TMEM201: variants seen among roughly 807,000 people sequenced by gnomAD.
TMEM201 encodes RP13-15M17.2.
TMEM201 carries 26 observed loss-of-function variants against 63.4 expected under a neutral mutation model. The observed-to-expected ratio is 0.41, with a 90% CI of 0.30 to 0.57. TMEM201 has a LOEUF of 0.57. TMEM201 is among the 20% of genes least tolerant of loss of function. The pLI, the probability that TMEM201 is intolerant of heterozygous loss-of-function variation, is 0.29. For synonymous variants in TMEM201, 417 were observed against 421.6 expected (o/e 0.99, Z 0.14); for missense variants, 794 against 917.7 (o/e 0.87, Z 1.74).
intron 10 of TMEM201, 130 bp from the exon 11 acceptor site, chr1:9,612,856 T>C: frequency 1.3e-6 from 1 of 744,080 alleles, no homozygotes; most frequent in Non-Finnish European, 2.2e-6. Flanking sequence ...GGGGTGAGCC[T>C]CACCAGTCTC....
In TMEM201 at chr1:9,610,573, C is replaced by T. The variant is rs551362526; in HGVS notation, c.1533C>T (p.Ala511=). 13 of 1,550,072 alleles carry T rather than the reference C, an allele frequency of 8.4e-6. No homozygotes were observed. The highest frequency in any genetic ancestry group is 4.9e-5 in the East Asian group (2 of 40,904). Residue 511 remains alanine, a synonymous_variant, in exon 9 of 11, where the codon GCC becomes GCT. Coordinates refer to ENST00000340381, the MANE Select transcript of TMEM201 (RefSeq NM_001130924.3). The surrounding 1 kb of genome is among the most constrained non-coding windows in gnomAD (Gnocchi z 4.9). Reference sequence around the variant, plus strand: ...TCCCTTCCCCAGCGCCTTCCGTGGCCGGCTCGGTGGCCTCCAGCTCCGGCT... The same window carrying T: ...TCCCTTCCCCAGCGCCTTCCGTGGCTGGCTCGGTGGCCTCCAGCTCCGGCT... ...SPLPSPAPSV[A]GSVASSSGSL... is the part of the protein sequence containing the mutation.
chr1:9,589,035 C>T lies in TMEM201; in HGVS notation c.105C>T (p.Ile35=). 1 of 1,132,154 alleles carries T rather than the reference C, an allele frequency of 8.8e-7. No homozygotes were observed. The highest frequency in any genetic ancestry group is 1.7e-5 in the African/African-American group (1 of 59,096). The allele number at this position is 1,132,154 out of a possible 1,614,324, so 70.1% of individuals were successfully genotyped here. The part of the protein sequence containing the change: ...CAAAGVLLYR[I]ARRMKPTHTM... ...CGGCCGGCGTGTTGCTCTACCGGAT[C>T]GCGCGGAGGTGAGTGCATGGTTCGG... is the stretch of plus-strand genomic sequence containing the variant. The change falls in exon 1 of 11, where the codon ATC becomes ATT. Residue 35 remains isoleucine, a synonymous_variant. Transcript: ENST00000340381.
chr1:9,601,716 G>A (rs1412735701), intron 5 of TMEM201, among the ~76,000 whole-genome samples: 4 of 152,192 alleles, frequency 2.6e-5, no homozygotes, highest in African/African-American at 9.7e-5. Context: ...GTCAAATCAG[G>A]ATGACGATAA....
intron 1 of TMEM201, among the ~76,000 whole-genome samples, chr1:9,592,059 G>A (rs1643931177): frequency 6.6e-6 from 1 of 152,258 alleles, no homozygotes; most frequent in Non-Finnish European, 1.5e-5. Context: ...AGCGACCCTA[G>A]AATGGTGGAT....
chr1:9,611,960 G>A, intron 10 of TMEM201, 70 bp downstream of exon 10: 3 of 1,450,716 alleles, frequency 2.1e-6, no homozygotes, highest in South Asian at 2.9e-5. Flanking sequence ...CCCCAGGGGG[G>A]TCCAGAGCAC....
chr1:9,590,065 CAGAGG>C (rs2100437649), intron 1 of TMEM201, among the ~76,000 whole-genome samples: 1 of 152,310 alleles, frequency 6.6e-6, no homozygotes, highest in South Asian at 2.1e-4. Flanking sequence ...GGTTGAGTCA[CAGAGG>C]CTTCCCAGAG....
At chr1:9,602,380 C>A in intron 6 of TMEM201, 108 bp downstream of exon 6, 1 of 1,496,578 alleles carries the variant, frequency 6.7e-7, no homozygotes. Flanking sequence ...TTCACCTGCT[C>A]ACGCCCTCCC....
At position 9,605,432 on chromosome 1, in the gene TMEM201, G is replaced by T. The variant is rs1434100957; in HGVS notation, c.1161-2125G>T. On this transcript the variant is annotated intron_variant, in intron 6 of 10. Transcript: ENST00000340381. This position sits in a 1 kb window ranked among gnomAD's most constrained non-coding sequence, Gnocchi z 5.7. ...GTCTCTTAGTCCCTCTCTGAGACGTGGTTTGAGGGCACAGGGCAGTCGGGG... is the reference window on the plus strand; with the variant it reads ...GTCTCTTAGTCCCTCTCTGAGACGTTGTTTGAGGGCACAGGGCAGTCGGGG... 6.6e-6 allele frequency among the ~76,000 whole-genome samples: 1 copy of T among 152,132 alleles called. No individual in the cohort carries two copies. Among genetic ancestry groups the T allele is most frequent in the Non-Finnish European group, 1.5e-5 (1 of 68,038 alleles).
chr1:9,592,722 G>C (rs80259580), intron 1 of TMEM201, among the ~76,000 whole-genome samples: 5,330 of 120,440 alleles, frequency 0.044, 304 homozygotes, highest in African/African-American at 0.13. Context: ...TGTTGGGCTT[G>C]TGGACGGGGC....
Position 9,604,580 on chromosome 1 carries a change from G to A in TMEM201, c.1160+2308G>A, listed in dbSNP as rs1331527627. Reference sequence around the variant, plus strand: ...CGCGGGGGACTTGGGATGGCCATCAGACCTTCTAGGGTCTGGCTGGGGTCA... The same window carrying A: ...CGCGGGGGACTTGGGATGGCCATCAAACCTTCTAGGGTCTGGCTGGGGTCA... On this transcript the variant is annotated intron_variant, in intron 6 of 10. Coordinates refer to ENST00000340381, the MANE Select transcript of TMEM201 (RefSeq NM_001130924.3). This position sits in a 1 kb window ranked among gnomAD's most constrained non-coding sequence, Gnocchi z 4.1. The A allele has an allele frequency of 1.0e-6, 1 of 985,354 alleles. No homozygotes were observed. Among genetic ancestry groups the A allele is most frequent in the African/African-American group, 1.7e-5 (1 of 57,232 alleles). 61.0% of individuals were successfully genotyped at this position (985,354 alleles called of 1,614,324 possible). A position where few individuals can be genotyped will look rare whatever the true frequency, so the allele number is the denominator to read the frequency against.
chr1:9,589,089 A>C, intron 1 of TMEM201, 46 bp downstream of exon 1: 1 of 856,938 alleles, frequency 1.2e-6, no homozygotes, highest in Non-Finnish European at 1.4e-6. Context: ...GCCGCCCGCC[A>C]GGCCCGCCCC....
chr1:9,613,088 C>T lies in TMEM201; in HGVS notation c.*5C>T. ...CTGTACCAGAGCCTGCGCTGACCCA[C>T]CGTTGGAGCCCCTCGGAGGGGAGCA... On this transcript the variant is annotated 3_prime_UTR_variant, in exon 11 of 11. Coordinates refer to ENST00000340381, the MANE Select transcript of TMEM201 (RefSeq NM_001130924.3). 2 of 1,550,320 alleles carry T rather than the reference C, an allele frequency of 1.3e-6. No individual in the cohort carries two copies. The highest frequency in any genetic ancestry group is 8.7e-7 in the Non-Finnish European group (1 of 1,146,950).
chr1:9,612,859 C>T (rs1266709093), intron 10 of TMEM201, 127 bp from the exon 11 acceptor site: 2 of 757,944 alleles, frequency 2.6e-6, no homozygotes, highest in Non-Finnish European at 4.4e-6. Context: ...GTGAGCCTCA[C>T]CAGTCTCAGA....
chr1:9,598,706 A>C, intron 4 of TMEM201, 81 bp downstream of exon 4: 3 of 1,376,132 alleles, frequency 2.2e-6, no homozygotes, highest in Non-Finnish European at 2.0e-6. Flanking sequence ...GGCACTAGTG[A>C]CCAGAGGGTA....
intron 4 of TMEM201, 45 bp from the exon 5 acceptor site, chr1:9,601,060 G>A (rs765032444): frequency 1.3e-6 from 2 of 1,515,488 alleles, no homozygotes; most frequent in Admixed American, 1.8e-5. Context: ...GCTGGGGGTG[G>A]CTCTGTGGCC....
chr1:9,596,730 A>G (rs565570645), intron 2 of TMEM201, 129 bp from the exon 3 acceptor site: 2 of 949,688 alleles, frequency 2.1e-6, no homozygotes, highest in Non-Finnish European at 3.1e-6. Flanking sequence ...TGTGCAGAAG[A>G]AAAAAAAGAA....
chr1:9,592,644 G>A (rs1417013009), intron 1 of TMEM201, among the ~76,000 whole-genome samples: 1 of 33,346 alleles, frequency 3.0e-5, no homozygotes, highest in African/African-American at 4.9e-5. Context: ...ATACATGTCC[G>A]TGCTCAGGGC....
Position 9,605,542 on chromosome 1 carries a change from G to A in TMEM201, c.1161-2015G>A, listed in dbSNP as rs1002843580. On this transcript the variant is annotated intron_variant, in intron 6 of 10. Coordinates refer to ENST00000340381, the MANE Select transcript of TMEM201 (RefSeq NM_001130924.3). The surrounding 1 kb of genome is among the most constrained non-coding windows in gnomAD (Gnocchi z 5.7). ...GGGCTCCTTTAGCTGGCGGAGGCTCGCTGGGGCGCCTGTACAGAGCCCAGC... is the reference window on the plus strand; with the variant it reads ...GGGCTCCTTTAGCTGGCGGAGGCTCACTGGGGCGCCTGTACAGAGCCCAGC... Among the ~76,000 whole-genome samples the A allele has an allele frequency of 1.4e-4, 21 of 152,024 alleles. No homozygotes were observed. Among genetic ancestry groups the A allele is most frequent in the Non-Finnish European group, 4.4e-5 (3 of 68,028 alleles).
chr1:9,603,549 G>T lies in TMEM201; in HGVS notation c.1160+1277G>T. 1 of 985,540 alleles carries T rather than the reference G, an allele frequency of 1.0e-6. No individual in the cohort carries two copies. Among genetic ancestry groups the T allele is most frequent in the Non-Finnish European group, 1.2e-6 (1 of 830,036 alleles). 61.0% of individuals were successfully genotyped at this position (985,540 alleles called of 1,614,324 possible). ...GAGCACGAGTTCACCTTCCAGATGTGGCCAGGGTGTGCCAGCTCCTCTCTC... is the reference window on the plus strand; with the variant it reads ...GAGCACGAGTTCACCTTCCAGATGTTGCCAGGGTGTGCCAGCTCCTCTCTC... On this transcript the variant is annotated intron_variant, in intron 6 of 10. Transcript: ENST00000340381. The surrounding 1 kb of genome is among the most constrained non-coding windows in gnomAD (Gnocchi z 4.5).
Sources: gnomAD v4.1 joint callset for allele counts (sites outside exome capture counted in the v4.1 genomes callset) on GRCh38, gnomAD v4.1.1 for gene constraint, Gnocchi (gnomAD v3.1) non-coding constraint, MANE v1.5 for transcripts, NCBI Gene and HGNC (gene_info 2026-07-23, HGNC 2026-07-21) for gene names.